TRPM6: variants seen among roughly 807,000 people sequenced by gnomAD.
TRPM6 encodes the protein transient receptor potential cation channel subfamily M member 6.
TRPM6 carries 111 observed loss-of-function variants against 247.6 expected under a neutral mutation model. That is an observed-to-expected ratio of 0.45 (90% CI 0.38 to 0.52). The LOEUF (loss-of-function observed/expected upper bound fraction) is 0.52, where lower values mean the gene tolerates loss of function less well. TRPM6 is among the 20% of genes least tolerant of loss of function. The pLI, the probability that TRPM6 is intolerant of heterozygous loss-of-function variation, is 0.00. For synonymous variants in TRPM6, 892 were observed against 853.8 expected (o/e 1.04, Z -0.78); for missense variants, 2,126 against 2,421.5 (o/e 0.88, Z 2.56).
In TRPM6 at chr9:74,777,119, G is replaced by C. The variant is rs79757018; in HGVS notation, c.3210-1043C>G. Reference sequence around the variant, plus strand: ...GTTCTCAAGCATGTTTTCTGAACCAGCAGCAGCAGCATCACCTGAGAACAT... The same window carrying C: ...GTTCTCAAGCATGTTTTCTGAACCACCAGCAGCAGCATCACCTGAGAACAT... On this transcript the variant is annotated intron_variant, in intron 23 of 38. Transcript: ENST00000360774. 5.5e-4 allele frequency among the ~76,000 whole-genome samples: 84 copies of C among 152,276 alleles called. 1 individual carries two copies. In the East Asian group the frequency reaches 0.014, roughly 25 times the overall value.
intron 25 of TRPM6, among the ~76,000 whole-genome samples, chr9:74,763,602 T>C (rs1439794355): frequency 1.3e-5 from 2 of 151,750 alleles, no homozygotes; most frequent in African/African-American, 2.4e-5. Flanking sequence ...AAATATGTAA[T>C]TAAGAAAAAG....
At chr9:74,858,796 A>C in intron 1 of TRPM6, 48 bp from the exon 2 acceptor site, 1 of 1,468,330 alleles carries the variant, frequency 6.8e-7, no homozygotes, top group Non-Finnish European at 9.5e-7. Context: ...GTGACAAAAC[A>C]ATGTAACCAT....
In TRPM6 at chr9:74,820,309, C is replaced by G. The variant is rs566542660; in HGVS notation, c.1129G>C (p.Asp377His). The G allele has an allele frequency of 6.2e-7, 1 of 1,614,024 alleles. No individual in the cohort carries two copies. Among genetic ancestry groups the G allele is most frequent in the East Asian group, 2.2e-5 (1 of 44,878 alleles). The part of the protein sequence containing the change: ...QILMECMVHR[D>H]CITIFDADSE... The stretch of plus-strand genomic sequence containing the variant: ...CATCAACTCGTCATACTCACACAAT[C>G]CCTGTGAACCATACACTCCATTAGA... The change falls in exon 9 of 39, where the codon GAT becomes CAT. Residue 377 changes from aspartate to histidine, a missense_variant. Around this residue, in one of 3 missense-constraint regions of TRPM6, gnomAD observed 1,082 missense variants for 1,307.9 expected, o/e 0.83. Transcript: ENST00000360774.
chr9:74,880,037 C>T (rs891469852), intron 1 of TRPM6, among the ~76,000 whole-genome samples: 10 of 151,976 alleles, frequency 6.6e-5, no homozygotes, highest in East Asian at 1.9e-4. Flanking sequence ...ACCTGGCATC[C>T]GCTGCTTGAT....
chr9:74,842,213 A>G lies in TRPM6; in HGVS notation c.283T>C (p.Phe95Leu). The G allele has an allele frequency of 6.2e-7, 1 of 1,614,078 alleles. No individual in the cohort carries two copies. The highest frequency in any genetic ancestry group is 8.5e-7 in the Non-Finnish European group (1 of 1,180,016). Residue 95 changes from phenylalanine (F) to leucine (L), a missense_variant, in exon 4 of 39, where the codon TTT (phenylalanine) becomes CTT (leucine). Transcript: ENST00000360774. ...KHTTKSPTDT[F>L]GTINFQDGEH... The stretch of plus-strand genomic sequence containing the variant: ...CCATCTTGGAAATTAATCGTGCCAA[A>G]AGTATCTGTTGGGCTTTTCGTTGTG...
intron 2 of TRPM6, among the ~76,000 whole-genome samples, chr9:74,858,336 G>A (rs1830590341): frequency 1.3e-5 from 2 of 152,188 alleles, no homozygotes; most frequent in Admixed American, 1.3e-4. Context: ...GCAGTGAGCT[G>A]AGATTGCGCC....
chr9:74,736,406 T>C (rs1825694804), intron 36 of TRPM6, among the ~76,000 whole-genome samples: 1 of 152,080 alleles, frequency 6.6e-6, no homozygotes, highest in Non-Finnish European at 1.5e-5. Context: ...ACAAATAAAT[T>C]AAATACAATA....
intron 1 of TRPM6, among the ~76,000 whole-genome samples, chr9:74,883,872 G>A (rs369022002): frequency 1.3e-4 from 20 of 152,206 alleles, no homozygotes; most frequent in East Asian, 7.7e-4. Context: ...TAAATAGATC[G>A]GGTGCAGTGG....
intron 23 of TRPM6, among the ~76,000 whole-genome samples, chr9:74,777,292 T>C (rs1404609090): frequency 6.6e-6 from 1 of 152,088 alleles, no homozygotes; most frequent in Admixed American, 6.5e-5. Context: ...TGGGGGTTGG[T>C]TGGTTGGTTT....
chr9:74,796,989 C>A lies in TRPM6; in HGVS notation c.2239-96G>T, dbSNP rs1376972709. 9.1e-6 allele frequency: 10 copies of A among 1,093,452 alleles called. No individual in the cohort carries two copies. In the East Asian group the frequency reaches 2.3e-4, roughly 25 times the overall value. 67.7% of individuals were successfully genotyped at this position (1,093,452 alleles called of 1,614,324 possible). ...TAAGAATTTCAGTGTATATAAAATGCCAGACCCATCCCAGTCAATTTTCAT... is the reference window on the plus strand; with the variant it reads ...TAAGAATTTCAGTGTATATAAAATGACAGACCCATCCCAGTCAATTTTCAT... On this transcript the variant is annotated intron_variant, in intron 17 of 38. Transcript: ENST00000360774.
chr9:74,739,300 TG>T, intron 35 of TRPM6, 66 bp downstream of exon 35: 1 of 1,366,298 alleles, frequency 7.3e-7, no homozygotes, highest in Non-Finnish European at 1.0e-6. Flanking sequence ...TCATGAGTAA[TG>T]GGCTGAGAAG....
intron 6 of TRPM6, 30 bp downstream of exon 6, chr9:74,833,968 G>C (rs774104339): frequency 6.2e-7 from 1 of 1,612,880 alleles, no homozygotes; most frequent in Non-Finnish European, 8.5e-7. Context: ...GTGTTCGTTT[G>C]CTTTTGTTAT....
intron 31 of TRPM6, among the ~76,000 whole-genome samples, chr9:74,744,828 T>A (rs1825979293): frequency 6.6e-6 from 1 of 152,206 alleles, no homozygotes; most frequent in African/African-American, 2.4e-5. Context: ...GGCAACTGTT[T>A]TATACCTCGC....
intron 1 of TRPM6, among the ~76,000 whole-genome samples, chr9:74,865,575 A>G (rs1465335175): frequency 6.6e-6 from 1 of 152,176 alleles, no homozygotes; most frequent in Non-Finnish European, 1.5e-5. Flanking sequence ...TTTTCCACCT[A>G]CATGCACTCA....
chr9:74,877,927 G>A (rs1301544544), intron 1 of TRPM6, among the ~76,000 whole-genome samples: 1 of 151,998 alleles, frequency 6.6e-6, no homozygotes, highest in African/African-American at 2.4e-5. Flanking sequence ...ACCATGAGGG[G>A]CCTGAGGAGA....
chr9:74,801,655 C>T (rs889626176), intron 16 of TRPM6, among the ~76,000 whole-genome samples: 1 of 152,170 alleles, frequency 6.6e-6, no homozygotes, highest in Non-Finnish European at 1.5e-5. Flanking sequence ...ATCTGGTCAA[C>T]TGACTTGTCT....
chr9:74,728,504 C>T (rs1825409236), intron 37 of TRPM6, among the ~76,000 whole-genome samples, 159 bp from the exon 38 acceptor site: 1 of 152,166 alleles, frequency 6.6e-6, no homozygotes, highest in African/African-American at 2.4e-5. Context: ...GTTAGGTTTG[C>T]AAATTTAAAA....
chr9:74,843,895 T>C (rs1316258911), intron 3 of TRPM6, among the ~76,000 whole-genome samples: 1 of 152,134 alleles, frequency 6.6e-6, no homozygotes, highest in East Asian at 1.9e-4. Context: ...GATGTTGTGT[T>C]AGCAGGCATG....
chr9:74,778,503 GT>G (rs1002946150), intron 23 of TRPM6, among the ~76,000 whole-genome samples: 2 of 152,230 alleles, frequency 1.3e-5, no homozygotes, highest in African/African-American at 4.8e-5. Flanking sequence ...AGGCAGGAGA[GT>G]TCTCAAAGCA....
Sources: allele counts gnomAD v4.1 joint callset (sites outside exome capture counted in the v4.1 genomes callset), GRCh38; gene constraint gnomAD v4.1.1; regional missense constraint gnomAD v4.1.1; transcripts MANE v1.5; gene names NCBI Gene and HGNC (gene_info 2026-07-23, HGNC 2026-07-21).